MCPH1: variants seen among roughly 807,000 people sequenced by gnomAD.
The protein encoded by MCPH1 is microcephalin.
A neutral mutation model predicts 84.5 loss-of-function variants in MCPH1; 104 were observed. The ratio of observed to expected loss-of-function variants is 1.23; its 90% CI spans 1.05 to 1.45. MCPH1 has a LOEUF of 1.45. Among genes scored for constraint, MCPH1 ranks in the 40% most tolerant of loss-of-function variants. The probability of loss-of-function intolerance (pLI) is 0.00; values close to 1 mark genes in which losing one functional copy is unlikely to be tolerated. For missense variants in MCPH1, 1,498 were observed against 1,005.7 expected, an observed-to-expected ratio of 1.49 and a Z score of -6.62; for synonymous variants, 514 against 366.8, an observed-to-expected ratio of 1.40 and a Z score of -4.58.
intron 9 of MCPH1, among the ~76,000 whole-genome samples, chr8:6,464,349 T>A (rs1482390694): frequency 6.6e-6 from 1 of 152,236 alleles, no homozygotes; most frequent in East Asian, 1.9e-4. Flanking sequence ...TGCCTCTTGA[T>A]AGCCTAACAG....
intron 12 of MCPH1, among the ~76,000 whole-genome samples, chr8:6,512,817 A>C (rs901970680): frequency 6.6e-6 from 1 of 152,228 alleles, no homozygotes; most frequent in African/African-American, 2.4e-5. Context: ...GGTGAGGACA[A>C]GGTAAACACC....
intron 12 of MCPH1, among the ~76,000 whole-genome samples, chr8:6,588,717 C>T (rs778218721): frequency 4.9e-4 from 74 of 152,366 alleles, no homozygotes; most frequent in East Asian, 7.7e-4. Context: ...TTGAATGTTA[C>T]AAAATTATTA....
chr8:6,556,323 A>G (rs1824598844), intron 12 of MCPH1, among the ~76,000 whole-genome samples: 1 of 152,166 alleles, frequency 6.6e-6, no homozygotes, highest in Non-Finnish European at 1.5e-5. Flanking sequence ...TTCTTTGTAT[A>G]TTCTCCATTT....
chr8:6,433,458 C>T (rs150670062), intron 4 of MCPH1, among the ~76,000 whole-genome samples: 4,960 of 151,796 alleles, frequency 0.033, 227 homozygotes, highest in African/African-American at 0.11. Context: ...CATGGCGAAA[C>T]CCCATCTCTA....
chr8:6,590,897 GT>G (rs1172374597), intron 12 of MCPH1, among the ~76,000 whole-genome samples: 2 of 152,096 alleles, frequency 1.3e-5, no homozygotes, highest in Non-Finnish European at 2.9e-5. Flanking sequence ...GTTTGTTTTT[GT>G]TTTTGTTTGT....
At chr8:6,421,603 T>C (rs950817470) in intron 3 of MCPH1, among the ~76,000 whole-genome samples, 1 of 152,204 alleles carries the variant, frequency 6.6e-6, no homozygotes, top group African/African-American at 2.4e-5. Context: ...GAAATTCAAT[T>C]TTAGTATCCA....
At chr8:6,435,962 G>A in intron 4 of MCPH1, 86 bp from the exon 5 acceptor site, 1 of 1,494,814 alleles carries the variant, frequency 6.7e-7, no homozygotes, top group East Asian at 2.3e-5. Context: ...TGTTATAAAA[G>A]GTATCAGAAA....
rs1027458072 is a variant in MCPH1, at chr8:6,466,246, C to T, written c.1935+10994C>T. Among the ~76,000 whole-genome samples, 45 of 150,592 alleles carry T rather than the reference C, an allele frequency of 3.0e-4. 1 individual carries two copies. The highest frequency in any genetic ancestry group is 1.5e-4 in the Non-Finnish European group (10 of 67,814). On this transcript the variant is annotated intron_variant, in intron 9 of 13. Transcript: ENST00000344683. ...CCGCTTCCCAGGTTCAAGTGATTCTCCTGCCTCAGCCTCCTGAGTAGCTGG... is the reference window on the plus strand; with the variant it reads ...CCGCTTCCCAGGTTCAAGTGATTCTTCTGCCTCAGCCTCCTGAGTAGCTGG...
At chr8:6,433,254 C>G (rs972569760) in intron 4 of MCPH1, among the ~76,000 whole-genome samples, 14 of 152,086 alleles carry the variant, frequency 9.2e-5, no homozygotes, top group Non-Finnish European at 1.8e-4. Context: ...TTTATTTCTC[C>G]AAGTCAGATA....
At chr8:6,543,754 G>T (rs1822032758) in intron 12 of MCPH1, among the ~76,000 whole-genome samples, 3 of 152,046 alleles carry the variant, frequency 2.0e-5, no homozygotes, top group Non-Finnish European at 4.4e-5. Flanking sequence ...TCGACCTCTG[G>T]TTCAGTTCCC....
chr8:6,523,287 A>G (rs972620207), intron 12 of MCPH1, among the ~76,000 whole-genome samples: 10 of 151,850 alleles, frequency 6.6e-5, no homozygotes, highest in African/African-American at 1.2e-4. Flanking sequence ...ATGAGCCACC[A>G]CGCCTGGCAG....
chr8:6,471,682 C>T (rs757824378), intron 9 of MCPH1, among the ~76,000 whole-genome samples: 12 of 151,432 alleles, frequency 7.9e-5, no homozygotes, highest in Non-Finnish European at 1.5e-4. Flanking sequence ...CTCATGAATC[C>T]GTCTGCTTCT....
At chr8:6,633,134 G>A (rs1324940314) in intron 13 of MCPH1, among the ~76,000 whole-genome samples, 1 of 151,968 alleles carries the variant, frequency 6.6e-6, no homozygotes, top group Non-Finnish European at 1.5e-5. Context: ...TTAGTTTAAG[G>A]CTTAAATCAT....
At chr8:6,433,860 G>A (rs558200445) in intron 4 of MCPH1, among the ~76,000 whole-genome samples, 3 of 152,044 alleles carry the variant, frequency 2.0e-5, no homozygotes, top group Admixed American at 6.5e-5. Flanking sequence ...ATGGTTCTGT[G>A]CCTCTGTCTC....
chr8:6,427,984 G>C (rs1801313296), intron 3 of MCPH1, among the ~76,000 whole-genome samples: 1 of 151,684 alleles, frequency 6.6e-6, no homozygotes, highest in African/African-American at 2.4e-5. Flanking sequence ...GTAGAGACGG[G>C]GTTTCCCCAT....
intron 12 of MCPH1, chr8:6,513,776 T>C: frequency 1.2e-6 from 2 of 1,614,098 alleles, no homozygotes. Context: ...GCACATAGCG[T>C]TGCTGATTAG....
chr8:6,630,818 C>A (rs1370343713), intron 13 of MCPH1, among the ~76,000 whole-genome samples: 1 of 147,576 alleles, frequency 6.8e-6, no homozygotes, highest in African/African-American at 2.5e-5. Flanking sequence ...AATTATATAT[C>A]AACAAAAAAA....
intron 2 of MCPH1, 121 bp from the exon 3 acceptor site, chr8:6,414,640 CCTTT>C (rs1799005109): frequency 7.0e-6 from 7 of 997,866 alleles, no homozygotes; most frequent in Non-Finnish European, 1.0e-5. Context: ...GTTATGCATT[CCTTT>C]GAGTGTTTCT....
At chr8:6,534,566 G>T (rs767601640) in intron 12 of MCPH1, among the ~76,000 whole-genome samples, 23 of 152,250 alleles carry the variant, frequency 1.5e-4, no homozygotes, top group Non-Finnish European at 2.5e-4. Context: ...AGCACATCTG[G>T]CTGAAGCCTT....
Sources: gnomAD v4.1 joint callset for allele counts (sites outside exome capture counted in the v4.1 genomes callset) on GRCh38, gnomAD v4.1.1 for gene constraint, MANE v1.5 for transcripts, NCBI Gene and HGNC (gene_info 2026-07-23, HGNC 2026-07-21) for gene names.